SUMF1: variants seen among roughly 807,000 people sequenced by gnomAD.
SUMF1 encodes the protein sulfatase modifying factor 1, also known as formylglycine-generating enzyme.
Under a neutral mutation model 47.6 loss-of-function variants are expected in SUMF1, and 48 were observed. The observed-to-expected ratio is 1.01, with a 90% CI of 0.80 to 1.28. SUMF1 has a LOEUF of 1.28. SUMF1 is among the 50% of genes most tolerant of loss of function. The pLI is 0.00. For synonymous variants in SUMF1, 230 were observed against 192.1 expected, an observed-to-expected ratio of 1.20 and a Z score of -1.63; for missense variants, 571 against 485.4, an observed-to-expected ratio of 1.18 and a Z score of -1.66.
intron 8 of SUMF1, among the ~76,000 whole-genome samples, chr3:4,223,092 A>G (rs1275343656): frequency 6.6e-6 from 1 of 152,174 alleles, no homozygotes; most frequent in Non-Finnish European, 1.5e-5. Flanking sequence ...TTGATGATTA[A>G]TGTTCAACAA....
chr3:4,429,263 T>C (rs1702162782), intron 3 of SUMF1, among the ~76,000 whole-genome samples: 1 of 152,274 alleles, frequency 6.6e-6, no homozygotes, highest in Non-Finnish European at 1.5e-5. Context: ...GAAAGACATC[T>C]GCGTGTACAC....
chr3:4,436,443 A>G (rs576201095), intron 3 of SUMF1, among the ~76,000 whole-genome samples: 1 of 152,330 alleles, frequency 6.6e-6, no homozygotes, highest in Non-Finnish European at 1.5e-5. Context: ...ATATAGATAT[A>G]AACAAAAACA....
chr3:4,176,135 C>G (rs539190654), intron 8 of SUMF1, among the ~76,000 whole-genome samples: 1 of 152,142 alleles, frequency 6.6e-6, no homozygotes, highest in East Asian at 1.9e-4. Context: ...TCCAGGAGAA[C>G]TTTCCCAACC....
chr3:4,094,316 G>A (rs1202280719), intron 8 of SUMF1, among the ~76,000 whole-genome samples: 2 of 152,066 alleles, frequency 1.3e-5, no homozygotes, highest in East Asian at 3.8e-4. Flanking sequence ...AATAGGCACT[G>A]GAGATAGAAA....
At chr3:4,303,430 G>A (rs746435245) in intron 8 of SUMF1, 19 of 1,555,324 alleles carry the variant, frequency 1.2e-5, no homozygotes, top group Non-Finnish European at 1.6e-5. Flanking sequence ...TTAAGGAGAA[G>A]CCTGAGGCCC....
chr3:4,284,458 G>A (rs1385247024), intron 8 of SUMF1, among the ~76,000 whole-genome samples: 1 of 145,118 alleles, frequency 6.9e-6, no homozygotes, highest in Non-Finnish European at 1.5e-5. Context: ...AGGAGGAGGA[G>A]GAGGAGGAGG....
intron 8 of SUMF1, among the ~76,000 whole-genome samples, chr3:4,311,398 G>A (rs77182520): frequency 0.014 from 2,089 of 152,268 alleles, 34 homozygotes; most frequent in African/African-American, 0.03. Flanking sequence ...ATGAAAGGCC[G>A]TGCAACTGGT....
chr3:4,298,364 A>C lies in SUMF1; in HGVS notation c.1014+77966T>G, dbSNP rs115936051. ...TATATCAGCCTGCAAACATCCTCTC[A>C]TTATTTTAATCTCATACTCTATAAA... On this transcript the variant is annotated intron_variant and NMD_transcript_variant, in intron 8 of 12. Transcript: ENST00000448413. 7.1e-3 allele frequency among the ~76,000 whole-genome samples: 1,081 copies of C among 152,322 alleles called. 20 individuals are homozygous for C. The highest frequency in any genetic ancestry group is 0.025 in the African/African-American group (1,026 of 41,558).
chr3:4,282,675 C>T (rs921872007), intron 8 of SUMF1, among the ~76,000 whole-genome samples: 5 of 152,158 alleles, frequency 3.3e-5, no homozygotes, highest in Non-Finnish European at 7.4e-5. Context: ...TCAGTCAATT[C>T]TTATTTAGAG....
intron 3 of SUMF1, among the ~76,000 whole-genome samples, chr3:4,443,005 G>A (rs1702657175): frequency 1.3e-5 from 2 of 152,070 alleles, no homozygotes; most frequent in Admixed American, 6.5e-5. Context: ...GCCGGGCATG[G>A]TGGCTCATGT....
chr3:4,263,213 A>G (rs3912462), intron 8 of SUMF1, among the ~76,000 whole-genome samples: 57,061 of 151,928 alleles, frequency 0.38, 11,347 homozygotes, highest in Non-Finnish European at 0.45. Flanking sequence ...CTCCATGTGT[A>G]TAATCTCATG....
At chr3:4,104,967 A>G (rs953724505) in intron 8 of SUMF1, among the ~76,000 whole-genome samples, 1 of 152,266 alleles carries the variant, frequency 6.6e-6, no homozygotes, top group Admixed American at 6.5e-5. Flanking sequence ...CAAGATATGG[A>G]ATAAACCTAC....
rs2079972338 is a variant in SUMF1, at chr3:4,467,077, G to A, written c.169C>T (p.Arg57Trp). The A allele has an allele frequency of 1.9e-6, 3 of 1,563,542 alleles. No homozygotes were observed. The highest frequency in any genetic ancestry group is 2.6e-6 in the Non-Finnish European group (3 of 1,155,544). The change falls in exon 1 of 9, where the codon CGG becomes TGG. Residue 57 changes from arginine (R) to tryptophan (W), a missense_variant. Transcript: ENST00000272902. ...AGSCGCGTPQRPGAHGSSAAA... is the reference protein window; with the variant it reads ...AGSCGCGTPQWPGAHGSSAAA... Reference sequence around the variant, plus strand: ...GCCGAACTGCCATGGGCGCCAGGCCGCTGGGGCGTGCCGCAGCCGCAAGAA... The same window carrying A: ...GCCGAACTGCCATGGGCGCCAGGCCACTGGGGCGTGCCGCAGCCGCAAGAA...
chr3:4,177,374 G>A (rs531088057), intron 8 of SUMF1, among the ~76,000 whole-genome samples: 1 of 152,246 alleles, frequency 6.6e-6, no homozygotes, highest in South Asian at 2.1e-4. Context: ...TAGAACTCAG[G>A]ATTAAGAAAC....
At chr3:4,130,832 T>C (rs1693771611) in intron 8 of SUMF1, among the ~76,000 whole-genome samples, 1 of 152,060 alleles carries the variant, frequency 6.6e-6, no homozygotes, top group South Asian at 2.1e-4. Flanking sequence ...CAGTTTTGAG[T>C]TGGGTCCAGA....
intron 8 of SUMF1, chr3:4,316,139 A>G (rs1698633752): frequency 1.6e-6 from 1 of 612,412 alleles, no homozygotes; most frequent in African/African-American, 1.8e-5. Flanking sequence ...GTCATGTTAT[A>G]CACCATTTTA....
At chr3:4,206,148 T>A (rs1438716294) in intron 8 of SUMF1, among the ~76,000 whole-genome samples, 1 of 151,336 alleles carries the variant, frequency 6.6e-6, no homozygotes, top group Non-Finnish European at 1.5e-5. Flanking sequence ...CAGGACAAAG[T>A]CCTCTTTCCT....
chr3:4,168,261 T>C (rs1327719449), intron 8 of SUMF1, among the ~76,000 whole-genome samples: 1 of 152,218 alleles, frequency 6.6e-6, no homozygotes, highest in Non-Finnish European at 1.5e-5. Flanking sequence ...CATTTATTAC[T>C]GACTCAACCT....
chr3:4,316,216 T>C (rs1254229240), intron 8 of SUMF1: 7 of 700,316 alleles, frequency 1.0e-5, no homozygotes, highest in Non-Finnish European at 1.5e-5. Flanking sequence ...TTTTAGACTA[T>C]GAAAATGATG....
Sources: allele counts gnomAD v4.1 joint callset (sites outside exome capture counted in the v4.1 genomes callset), GRCh38; gene constraint gnomAD v4.1.1; transcripts MANE v1.5; gene names NCBI Gene and HGNC (gene_info 2026-07-23, HGNC 2026-07-21).